The following LDAH variants were observed in gnomAD, a reference collection of about 807,000 sequenced individuals.
The protein encoded by LDAH is lipid droplet-associated hydrolase.
In LDAH, 26 loss-of-function variants were observed where a neutral mutation model predicts 29.6. The ratio of observed to expected loss-of-function variants is 0.88; its 90% CI spans 0.64 to 1.22. The LOEUF is 1.22. Among genes scored for constraint, LDAH ranks in the 50% most tolerant of loss-of-function variants. The pLI is 0.00. For synonymous variants in LDAH, 117 were observed against 133.0 expected (o/e 0.88, Z 0.83); for missense variants, 344 against 387.3 (o/e 0.89, Z 0.94).
chr2:20,704,127 A>G (rs760745773), intron 5 of LDAH, among the ~76,000 whole-genome samples: 2 of 152,272 alleles, frequency 1.3e-5, no homozygotes, highest in Non-Finnish European at 2.9e-5. Flanking sequence ...TACTTGGGTT[A>G]GCAGCACTCT....
intron 5 of LDAH, among the ~76,000 whole-genome samples, chr2:20,707,651 G>C (rs1305216792): frequency 2.0e-5 from 3 of 152,190 alleles, no homozygotes; most frequent in Non-Finnish European, 4.4e-5. Context: ...AATTGTATGA[G>C]AAATTTTGAG....
At chr2:20,776,340 T>C (rs1008497071) in intron 3 of LDAH, among the ~76,000 whole-genome samples, 1 of 152,200 alleles carries the variant, frequency 6.6e-6, no homozygotes, top group Non-Finnish European at 1.5e-5. Context: ...TGATTCATGA[T>C]GTGAGGAGTA....
At chr2:20,788,616 G>A (rs1243210001) in intron 3 of LDAH, among the ~76,000 whole-genome samples, 1 of 152,012 alleles carries the variant, frequency 6.6e-6, no homozygotes, top group East Asian at 1.9e-4. Flanking sequence ...AGCTCAATAA[G>A]CACAAAAAGA....
At chr2:20,690,299 G>A (rs1170648833) in intron 6 of LDAH, among the ~76,000 whole-genome samples, 1 of 152,176 alleles carries the variant, frequency 6.6e-6, no homozygotes, top group East Asian at 1.9e-4. Context: ...AAAGAGTGGT[G>A]TCAGTGTTCA....
intron 5 of LDAH, among the ~76,000 whole-genome samples, chr2:20,737,814 A>C (rs953126375): frequency 1.3e-5 from 2 of 152,176 alleles, no homozygotes; most frequent in Non-Finnish European, 2.9e-5. Flanking sequence ...TATTCTCAGA[A>C]AGTAAGGCAT....
intron 5 of LDAH, among the ~76,000 whole-genome samples, chr2:20,709,461 A>G (rs371872256): frequency 4.6e-4 from 70 of 151,572 alleles, no homozygotes; most frequent in African/African-American, 1.7e-3. Flanking sequence ...CCACAATGAG[A>G]TACTACTTCA....
At chr2:20,746,007 T>A (rs1368220110) in intron 4 of LDAH, among the ~76,000 whole-genome samples, 1 of 152,148 alleles carries the variant, frequency 6.6e-6, no homozygotes, top group Non-Finnish European at 1.5e-5. Flanking sequence ...GGGAAGAGCA[T>A]GTGCAGAGGC....
chr2:20,710,027 A>G (rs1475262039), intron 5 of LDAH, among the ~76,000 whole-genome samples: 1 of 152,228 alleles, frequency 6.6e-6, no homozygotes, highest in Non-Finnish European at 1.5e-5. Flanking sequence ...AGAGAAGAGC[A>G]GTTAACTCTG....
intron 3 of LDAH, among the ~76,000 whole-genome samples, chr2:20,786,538 T>C (rs1405048734): frequency 6.6e-6 from 1 of 152,166 alleles, no homozygotes; most frequent in East Asian, 1.9e-4. Flanking sequence ...GAAACTTCAG[T>C]TTCCTCTAAT....
intron 4 of LDAH, among the ~76,000 whole-genome samples, chr2:20,761,268 T>G (rs961913800): frequency 6.6e-6 from 1 of 152,178 alleles, no homozygotes; most frequent in African/African-American, 2.4e-5. Flanking sequence ...AACTTTCATA[T>G]AGTTTAATTT....
At chr2:20,732,578 TC>T (rs1198976778) in intron 5 of LDAH, among the ~76,000 whole-genome samples, 6 of 152,242 alleles carry the variant, frequency 3.9e-5, no homozygotes, top group African/African-American at 1.4e-4. Flanking sequence ...ATAAGGCTCT[TC>T]AAATGGTCTA....
intron 1 of LDAH, among the ~76,000 whole-genome samples, chr2:20,803,358 C>T (rs1050152161): frequency 2.6e-5 from 4 of 152,204 alleles, no homozygotes; most frequent in Non-Finnish European, 2.9e-5. Flanking sequence ...CAGGTGGCTA[C>T]TCCCCAGCCC....
chr2:20,775,910 T>G (rs1367593235), intron 3 of LDAH, among the ~76,000 whole-genome samples: 2 of 152,176 alleles, frequency 1.3e-5, no homozygotes, highest in Non-Finnish European at 2.9e-5. Flanking sequence ...GTCCTGTGAC[T>G]AGTACACAGC....
chr2:20,818,191 G>GAGGC (rs1199783567), intron 1 of LDAH, among the ~76,000 whole-genome samples: 1 of 152,104 alleles, frequency 6.6e-6, no homozygotes. Context: ...TGTTACCATT[G>GAGGC]AGGCAGGCAG....
intron 2 of LDAH, 146 bp from the exon 3 acceptor site, chr2:20,790,544 C>T (rs1190688723): frequency 9.1e-6 from 6 of 661,634 alleles, no homozygotes; most frequent in Non-Finnish European, 1.3e-5. Flanking sequence ...TTCAAACTTC[C>T]ATTAAAATCA....
chr2:20,781,380 GA>G (rs1670182437), intron 3 of LDAH, among the ~76,000 whole-genome samples: 1 of 152,120 alleles, frequency 6.6e-6, no homozygotes, highest in Admixed American at 6.5e-5. Context: ...TAATATGAAG[GA>G]AAACATACTT....
intron 4 of LDAH, among the ~76,000 whole-genome samples, chr2:20,752,330 T>C (rs1266632849): frequency 2.0e-5 from 3 of 151,952 alleles, no homozygotes; most frequent in Admixed American, 6.6e-5. Flanking sequence ...CCAGGAAAAC[T>C]AATGTCCTAT....
intron 5 of LDAH, among the ~76,000 whole-genome samples, chr2:20,717,034 G>A (rs1665264434): frequency 6.6e-6 from 1 of 152,056 alleles, no homozygotes; most frequent in South Asian, 2.1e-4. Context: ...ATGATGATGG[G>A]TCAACTGGAT....
chr2:20,756,356 G>A (rs115364036), intron 4 of LDAH, among the ~76,000 whole-genome samples: 1,671 of 152,186 alleles, frequency 0.011, 24 homozygotes, highest in African/African-American at 0.038. Flanking sequence ...TCTTAAATAT[G>A]AGTGGATAAT....
Sources: gnomAD v4.1 joint callset for allele counts (sites outside exome capture counted in the v4.1 genomes callset) on GRCh38, gnomAD v4.1.1 for gene constraint, MANE v1.5 for transcripts, NCBI Gene and HGNC (gene_info 2026-07-23, HGNC 2026-07-21) for gene names.